Variants in PRCC observed in about 807,000 individuals in gnomAD.
The protein encoded by PRCC is proline rich mitotic checkpoint control factor.
Under a neutral mutation model 44.0 loss-of-function variants are expected in PRCC, and 10 were observed. That is an observed-to-expected ratio of 0.23 (90% CI 0.14 to 0.39). The LOEUF is 0.39. Ranked by LOEUF, PRCC falls within the 10% of genes least tolerant of loss-of-function variation. PRCC has a pLI of 1.00. For synonymous variants in PRCC, 278 were observed against 259.5 expected, an observed-to-expected ratio of 1.07 and a Z score of -0.69; for missense variants, 573 against 624.7, an observed-to-expected ratio of 0.92 and a Z score of 0.88.
In PRCC at chr1:156,792,053, CTTTTTTTTTTTTT is replaced by C. The variant is rs67388360; in HGVS notation, c.1179+277_1179+289del. 5.6e-3 allele frequency among the ~76,000 whole-genome samples: 326 copies of C among 58,476 alleles called. 2 individuals carry two copies. Among genetic ancestry groups the C allele is most frequent in the African/African-American group, 0.015 (278 of 18,898 alleles). 38.4% of individuals were successfully genotyped at this position (58,476 alleles called of 152,430 possible). On this transcript the variant is annotated intron_variant, in intron 4 of 6. Transcript: ENST00000271526. ...ACAGAGTCAGGGATCTAGTCCCCTTCTTTTTTTTTTTTTTTTTTTTTTTTTTTTGGTAGAGACG... is the reference window on the plus strand; with the variant it reads ...ACAGAGTCAGGGATCTAGTCCCCTTCTTTTTTTTTTTTTTTGGTAGAGACG...
chr1:156,767,649 G>T lies in PRCC; in HGVS notation c.-123G>T. The T allele has an allele frequency of 3.1e-6, 3 of 953,510 alleles. No homozygotes were observed. The highest frequency in any genetic ancestry group is 3.1e-6 in the Non-Finnish European group (2 of 649,642). The allele number at this position is 953,510 out of a possible 1,614,324, so 59.1% of individuals were successfully genotyped here. A position where few individuals can be genotyped will look rare whatever the true frequency, so the allele number is the denominator to read the frequency against. On this transcript the variant is annotated 5_prime_UTR_variant, in exon 1 of 7. Transcript: ENST00000271526. ...TCTGCCGGGGCTAGCCCTAGAGTACGGAGCAGGCGGACTTTTCGGTTCCCC... is the reference window on the plus strand; with the variant it reads ...TCTGCCGGGGCTAGCCCTAGAGTACTGAGCAGGCGGACTTTTCGGTTCCCC...
chr1:156,800,611 A>AT lies in PRCC; in HGVS notation c.*156dup. On this transcript the variant is annotated 3_prime_UTR_variant, in exon 7 of 7. Coordinates refer to ENST00000271526, the MANE Select transcript of PRCC (RefSeq NM_005973.5). ...CTGCGAGAATGAACATATTTGATAG[A>AT]TTTTTCTTAACAAGTTAGAAAATTC... 2.8e-6 allele frequency: 2 copies of AT among 721,328 alleles called. No individual in the cohort carries two copies. The highest frequency in any genetic ancestry group is 3.8e-5 in the South Asian group (2 of 52,014). The allele number at this position is 721,328 out of a possible 1,614,324, so 44.7% of individuals were successfully genotyped here. A position where few individuals can be genotyped will look rare whatever the true frequency, so the allele number is the denominator to read the frequency against.
At chr1:156,780,960 C>T (rs569846125) in intron 1 of PRCC, among the ~76,000 whole-genome samples, 7 of 152,256 alleles carry the variant, frequency 4.6e-5, no homozygotes, top group Admixed American at 1.3e-4. Flanking sequence ...AACTCCTGAC[C>T]TCAGGTGATC....
chr1:156,785,589 AG>A (rs1217905225), intron 2 of PRCC, among the ~76,000 whole-genome samples: 7 of 140,858 alleles, frequency 5.0e-5, no homozygotes, highest in Admixed American at 2.3e-4. Context: ...TTCCTATCTA[AG>A]GGGGGGAAAA....
intron 3 of PRCC, among the ~76,000 whole-genome samples, chr1:156,788,057 A>C (rs1571588732): frequency 1.3e-5 from 2 of 152,248 alleles, no homozygotes; most frequent in East Asian, 3.9e-4. Context: ...GGTGGTCTCA[A>C]ACTTCTGGCC....
At chr1:156,797,198 A>G (rs1652686368) in intron 5 of PRCC, 78 bp from the exon 6 acceptor site, 1 of 1,586,572 alleles carries the variant, frequency 6.3e-7, no homozygotes, top group Non-Finnish European at 8.7e-7. Flanking sequence ...CTCAGCCCCT[A>G]ACACCACACC....
chr1:156,792,103 G>T (rs1244099013), intron 4 of PRCC, among the ~76,000 whole-genome samples: 4 of 93,668 alleles, frequency 4.3e-5, no homozygotes, highest in Non-Finnish European at 5.9e-5. Context: ...GGTCTTGCTT[G>T]TTGTCCAGGC....
At chr1:156,769,387 C>T (rs1651539884) in intron 1 of PRCC, among the ~76,000 whole-genome samples, 1 of 152,076 alleles carries the variant, frequency 6.6e-6, no homozygotes, top group South Asian at 2.1e-4. Flanking sequence ...CATCTGTCCT[C>T]CCACTAGTAT....
At chr1:156,783,053 C>T (rs990524959) in intron 2 of PRCC, among the ~76,000 whole-genome samples, 7 of 152,086 alleles carry the variant, frequency 4.6e-5, no homozygotes, top group Admixed American at 2.0e-4. Context: ...TACAGGCATG[C>T]GCCACCACAC....
At chr1:156,771,683 G>T (rs1180683429) in intron 1 of PRCC, among the ~76,000 whole-genome samples, 2 of 135,944 alleles carry the variant, frequency 1.5e-5, no homozygotes, top group African/African-American at 2.8e-5. Flanking sequence ...TAGTTTAAAT[G>T]TTTTTTTTTT....
Position 156,767,907 on chromosome 1 carries a change from A to C in PRCC, c.136A>C (p.Lys46Gln). 6.2e-7 allele frequency: 1 copy of C among 1,601,876 alleles called. No individual in the cohort carries two copies. The highest frequency in any genetic ancestry group is 8.5e-7 in the Non-Finnish European group (1 of 1,175,036). ...CTTGTTCGCTTCTCTCCCTGCGCCCAAGGGTCCGGCCTTGCTGCCTCCGCC... is the reference window on the plus strand; with the variant it reads ...CTTGTTCGCTTCTCTCCCTGCGCCCCAGGGTCCGGCCTTGCTGCCTCCGCC... Reference protein sequence around the residue: ...GGLFASLPAPKGPALLPPPPQ... With the variant: ...GGLFASLPAPQGPALLPPPPQ... Residue 46 changes from lysine (K) to glutamine (Q), a missense_variant, in exon 1 of 7, where the codon AAG (lysine) becomes CAG (glutamine). Around this residue, in one of 4 missense-constraint regions of PRCC, gnomAD observed 245 missense variants for 188.5 expected, o/e 1.30. Coordinates refer to ENST00000271526, the MANE Select transcript of PRCC (RefSeq NM_005973.5).
intron 3 of PRCC, among the ~76,000 whole-genome samples, chr1:156,788,082 C>T (rs936469872): frequency 5.3e-5 from 8 of 152,066 alleles, no homozygotes; most frequent in Non-Finnish European, 7.4e-5. Flanking sequence ...GGGATCTGCC[C>T]GTTGCAGCCT....
At chr1:156,793,203 CCTT>C (rs759522439) in intron 4 of PRCC, among the ~76,000 whole-genome samples, 7 of 152,172 alleles carry the variant, frequency 4.6e-5, no homozygotes, top group Admixed American at 1.3e-4. Context: ...CTATGGATAT[CCTT>C]CTTGGCAGGT....
At chr1:156,786,488 A>G in intron 2 of PRCC, 120 bp from the exon 3 acceptor site, 1 of 1,051,674 alleles carries the variant, frequency 9.5e-7, no homozygotes, top group South Asian at 1.6e-5. Flanking sequence ...AGGAAGAAAC[A>G]AGGGCTGGTA....
At chr1:156,771,473 A>G (rs1651631238) in intron 1 of PRCC, among the ~76,000 whole-genome samples, 2 of 152,146 alleles carry the variant, frequency 1.3e-5, no homozygotes, top group Non-Finnish European at 2.9e-5. Context: ...GCATCGAGGT[A>G]TATTTAGGAG....
intron 1 of PRCC, among the ~76,000 whole-genome samples, chr1:156,780,822 G>A (rs1415331949): frequency 5.9e-5 from 9 of 151,782 alleles, no homozygotes; most frequent in African/African-American, 2.2e-4. Flanking sequence ...CTGCTTCCGC[G>A]GTTCAAGCAT....
At chr1:156,783,734 A>C (rs1652130638) in intron 2 of PRCC, among the ~76,000 whole-genome samples, 2 of 152,214 alleles carry the variant, frequency 1.3e-5, no homozygotes, top group East Asian at 3.9e-4. Flanking sequence ...CAACAGAGGA[A>C]GACTCAGTCA....
intron 3 of PRCC, chr1:156,791,217 C>G: frequency 8.1e-7 from 1 of 1,232,908 alleles, no homozygotes; most frequent in Admixed American, 2.1e-5. Context: ...TCTATAACCT[C>G]CCCACCCGGT....
chr1:156,771,693 T>TC (rs915221331), intron 1 of PRCC, among the ~76,000 whole-genome samples: 12 of 151,674 alleles, frequency 7.9e-5, no homozygotes, highest in East Asian at 1.9e-4. Context: ...GTTTTTTTTT[T>TC]TTCTTCTTTT....
Sources: gnomAD v4.1 joint callset for allele counts (sites outside exome capture counted in the v4.1 genomes callset) on GRCh38, gnomAD v4.1.1 for gene constraint, gnomAD v4.1.1 regional missense constraint, MANE v1.5 for transcripts, NCBI Gene and HGNC (gene_info 2026-07-23, HGNC 2026-07-21) for gene names.